The following RBM28 variants were observed in gnomAD, a reference collection of about 807,000 sequenced individuals.
The protein encoded by RBM28 is RNA binding motif protein 28.
A neutral mutation model predicts 98.3 loss-of-function variants in RBM28; 78 were observed. That is an observed-to-expected ratio of 0.79 (90% CI 0.66 to 0.96). RBM28 has a LOEUF of 0.96. Among genes scored for constraint, RBM28 ranks in the 40% least tolerant of loss-of-function variants. RBM28 has a pLI of 0.00. For synonymous variants in RBM28, 306 were observed against 330.9 expected, an observed-to-expected ratio of 0.92 and a Z score of 0.82; for missense variants, 838 against 913.0, an observed-to-expected ratio of 0.92 and a Z score of 1.06.
chr7:128,313,606 G>A (rs189998313), intron 17 of RBM28, among the ~76,000 whole-genome samples: 9 of 152,326 alleles, frequency 5.9e-5, no homozygotes, highest in Admixed American at 5.9e-4. Context: ...TCTAGCCTGG[G>A]CAACAGAGCA....
At chr7:128,322,907 T>A (rs929523733) in intron 13 of RBM28, among the ~76,000 whole-genome samples, 2 of 152,168 alleles carry the variant, frequency 1.3e-5, no homozygotes, top group African/African-American at 2.4e-5. Context: ...CCATAGCTAA[T>A]TCTGTTCACA....
intron 10 of RBM28, among the ~76,000 whole-genome samples, chr7:128,327,801 A>G (rs538121187): frequency 1.2e-4 from 19 of 152,332 alleles, no homozygotes; most frequent in African/African-American, 3.8e-4. Context: ...CACCCGGTCA[A>G]TAAAAAACAA....
chr7:128,313,129 T>C (rs759829035), intron 18 of RBM28, 46 bp downstream of exon 18: 54 of 1,568,512 alleles, frequency 3.4e-5, no homozygotes, highest in Non-Finnish European at 4.7e-5. Flanking sequence ...GGCTACGACC[T>C]GGCAGAACCA....
intron 1 of RBM28, among the ~76,000 whole-genome samples, chr7:128,340,122 A>G (rs1409509113): frequency 6.6e-6 from 1 of 152,206 alleles, no homozygotes; most frequent in Admixed American, 6.5e-5. Context: ...CTCAACATCA[A>G]AAAGAACAAA....
Position 128,339,236 on chromosome 7 carries a change from C to G in RBM28, c.363G>C (p.Leu121=), listed in dbSNP as rs1275761991. ...TTTCTCTCTCACTTACCTTAAAGCTCAGGTTCCGAATAATTAATCTGGCTT... is the reference window on the plus strand; with the variant it reads ...TTTCTCTCTCACTTACCTTAAAGCTGAGGTTCCGAATAATTAATCTGGCTT... ...DKKARLIIRN[L]SFKCSEDDLK... Residue 121 remains leucine, a synonymous_variant, in exon 3 of 19, where the codon CTG becomes CTC. Transcript: ENST00000223073. 5.6e-6 allele frequency: 9 copies of G among 1,610,420 alleles called. No homozygotes were observed. Among genetic ancestry groups the G allele is most frequent in the Non-Finnish European group, 7.6e-6 (9 of 1,176,752 alleles).
chr7:128,311,854 G>A (rs1157642823), intron 18 of RBM28, among the ~76,000 whole-genome samples: 1 of 152,108 alleles, frequency 6.6e-6, no homozygotes, highest in Non-Finnish European at 1.5e-5. Context: ...TCTTTCTAGG[G>A]TTCTAATTAA....
In RBM28 at chr7:128,335,634, C is replaced by T; in HGVS notation, c.855G>A (p.Glu285=). The T allele has an allele frequency of 2.5e-6, 4 of 1,614,230 alleles. No individual in the cohort carries two copies. The highest frequency in any genetic ancestry group is 3.4e-6 in the Non-Finnish European group (4 of 1,180,040). Residue 285 remains glutamate, a synonymous_variant, in exon 8 of 19, where the codon GAG becomes GAA. Transcript: ENST00000223073. ...CGCTTTCCTCTAGGTCACTGTCCTCCTCAGAATGATCACTGCTTTTTGCAG... is the reference window on the plus strand; with the variant it reads ...CGCTTTCCTCTAGGTCACTGTCCTCTTCAGAATGATCACTGCTTTTTGCAG... ...PAPAKSSDHS[E]EDSDLEESDS... is the part of the protein sequence containing the mutation.
At position 128,343,889 on chromosome 7, in the gene RBM28, C is replaced by A. The variant is rs550474026; in HGVS notation, c.-96G>T. 42 of 800,446 alleles carry A rather than the reference C, an allele frequency of 5.2e-5. No homozygotes were observed. Among genetic ancestry groups the A allele is most frequent in the Non-Finnish European group, 7.7e-5 (40 of 519,096 alleles). The allele number at this position is 800,446 out of a possible 1,614,324, so 49.6% of individuals were successfully genotyped here. On this transcript the variant is annotated 5_prime_UTR_variant, in exon 1 of 19. Coordinates refer to ENST00000223073, the MANE Select transcript of RBM28 (RefSeq NM_018077.3). ...CTTTGGTAGGACAACCAAGCTCACA[C>A]GCCGAGAGATTCCGGAAGTGCTCGT...
chr7:128,340,287 G>A (rs1418147104), intron 1 of RBM28, among the ~76,000 whole-genome samples: 1 of 152,154 alleles, frequency 6.6e-6, no homozygotes, highest in Non-Finnish European at 1.5e-5. Context: ...CTTCAGGAAT[G>A]GATTAATCAA....
At chr7:128,330,563 G>A (rs1584654321) in intron 10 of RBM28, among the ~76,000 whole-genome samples, 1 of 151,830 alleles carries the variant, frequency 6.6e-6, no homozygotes, top group Admixed American at 6.6e-5. Flanking sequence ...GTAGAGACGG[G>A]GTTTCACCGT....
Position 128,305,889 on chromosome 7 carries a change from G to A in RBM28, c.*4908C>T, listed in dbSNP as rs1324266276. 6.6e-6 allele frequency: 1 copy of A among 152,194 alleles called. No homozygotes were observed. Among genetic ancestry groups the A allele is most frequent in the Non-Finnish European group, 1.5e-5 (1 of 68,068 alleles). The allele number at this position is 152,194 out of a possible 1,614,324, so 9.4% of individuals were successfully genotyped here. A position where few individuals can be genotyped will look rare whatever the true frequency, so the allele number is the denominator to read the frequency against. On this transcript the variant is annotated 3_prime_UTR_variant, in exon 19 of 19. Coordinates refer to ENST00000223073, the MANE Select transcript of RBM28 (RefSeq NM_018077.3). ...CTATGAGAGGAATAAAACTGGACAG[G>A]AAAGAAAGAGAAAATACATAAAACA...
At chr7:128,314,121 C>T (rs1796052538) in intron 17 of RBM28, among the ~76,000 whole-genome samples, 1 of 152,148 alleles carries the variant, frequency 6.6e-6, no homozygotes, top group Non-Finnish European at 1.5e-5. Context: ...CGCCACCGCA[C>T]CCAGCTAATT....
rs201543001 is a variant in RBM28, at chr7:128,336,082, T to C, written c.614-40A>G. On this transcript the variant is annotated intron_variant, in intron 6 of 18. Coordinates refer to ENST00000223073, the MANE Select transcript of RBM28 (RefSeq NM_018077.3). ...AAAGAAAGGAGGAATTCATTTAATA[T>C]CCAAAACAATGTTATTTTAACAAAA... is the stretch of plus-strand genomic sequence containing the variant. The C allele has an allele frequency of 3.3e-4, 508 of 1,542,996 alleles. 1 individual carries two copies. Among genetic ancestry groups the C allele is most frequent in the Non-Finnish European group, 1.2e-4 (141 of 1,131,806 alleles).
chr7:128,324,802 T>C, intron 11 of RBM28, 108 bp from the exon 12 acceptor site: 1 of 1,476,932 alleles, frequency 6.8e-7, no homozygotes, highest in Non-Finnish European at 9.4e-7. Context: ...TCACCTGAGG[T>C]CAGGAGTTCA....
chr7:128,335,231 A>G (rs1057447744), intron 8 of RBM28, among the ~76,000 whole-genome samples: 2 of 152,198 alleles, frequency 1.3e-5, no homozygotes, highest in South Asian at 2.1e-4. Flanking sequence ...TTACCTGGTT[A>G]TTCTATCAAG....
In RBM28 at chr7:128,338,127, G is replaced by A. The variant is rs375322032; in HGVS notation, c.541+123C>T. On this transcript the variant is annotated intron_variant, in intron 5 of 18. Transcript: ENST00000223073. ...AGAGTATTTCACCTAAATAGCTACC[G>A]TATTAGCAATGAGACTCTTAATAAT... 5.8e-5 allele frequency: 43 copies of A among 746,476 alleles called. 1 individual carries two copies. Among genetic ancestry groups the A allele is most frequent in the South Asian group, 4.8e-4 (33 of 68,382 alleles). 46.2% of individuals were successfully genotyped at this position (746,476 alleles called of 1,614,324 possible).
chr7:128,322,542 T>C (rs1796259541), intron 13 of RBM28, among the ~76,000 whole-genome samples: 2 of 152,234 alleles, frequency 1.3e-5, no homozygotes, highest in African/African-American at 4.8e-5. Context: ...AAGGCTATCA[T>C]GTTTAAGTTC....
chr7:128,329,660 T>A (rs911161672), intron 10 of RBM28, among the ~76,000 whole-genome samples: 1 of 151,842 alleles, frequency 6.6e-6, no homozygotes, highest in Non-Finnish European at 1.5e-5. Flanking sequence ...CCAAGGCGGG[T>A]GTATCACAAG....
rs1795858346 is a variant in RBM28, at chr7:128,305,912, A to G, written c.*4885T>C. The G allele has an allele frequency of 3.3e-5, 5 of 152,184 alleles. No homozygotes were observed. The allele number at this position is 152,184 out of a possible 1,614,324, so 9.4% of individuals were successfully genotyped here. ...AGGAAAGAAAGAGAAAATACATAAA[A>G]CAAGGACAGGTTGTTCGGCATCTCT... On this transcript the variant is annotated 3_prime_UTR_variant, in exon 19 of 19. Coordinates refer to ENST00000223073, the MANE Select transcript of RBM28 (RefSeq NM_018077.3).
Sources: gnomAD v4.1 joint callset for allele counts (sites outside exome capture counted in the v4.1 genomes callset) on GRCh38, gnomAD v4.1.1 for gene constraint, MANE v1.5 for transcripts, NCBI Gene and HGNC (gene_info 2026-07-23, HGNC 2026-07-21) for gene names.